ESCO2: variants seen among roughly 807,000 people sequenced by gnomAD.
The protein encoded by ESCO2 is establishment of sister chromatid cohesion N-acetyltransferase 2.
In ESCO2, 51 loss-of-function variants were observed where a neutral mutation model predicts 61.7. The ratio of observed to expected loss-of-function variants is 0.83; its 90% CI spans 0.66 to 1.04. The LOEUF (loss-of-function observed/expected upper bound fraction) is 1.04, where lower values mean the gene tolerates loss of function less well. ESCO2 is among the 50% of genes least tolerant of loss of function. ESCO2 has a pLI of 0.00. For synonymous variants in ESCO2, 230 were observed against 238.2 expected (o/e 0.97, Z 0.32); for missense variants, 692 against 686.2 (o/e 1.01, Z -0.09).
At chr8:27,795,858 T>C (rs1432163646) in intron 9 of ESCO2, among the ~76,000 whole-genome samples, 1 of 152,200 alleles carries the variant, frequency 6.6e-6, no homozygotes, top group East Asian at 1.9e-4. Flanking sequence ...CATGGTGTAC[T>C]ATGCTTTTAA....
chr8:27,791,025 C>T (rs1231481456), intron 7 of ESCO2, among the ~76,000 whole-genome samples: 1 of 152,042 alleles, frequency 6.6e-6, no homozygotes, highest in African/African-American at 2.4e-5. Context: ...TATCACATTC[C>T]CCCCAAATGA....
chr8:27,784,970 T>C (rs569066806), intron 5 of ESCO2, among the ~76,000 whole-genome samples: 1 of 152,222 alleles, frequency 6.6e-6, no homozygotes, highest in Non-Finnish European at 1.5e-5. Flanking sequence ...GTTGTCATCT[T>C]TCATGACCTT....
intron 5 of ESCO2, among the ~76,000 whole-genome samples, chr8:27,786,860 GTTT>G (rs11305883): frequency 8.2e-6 from 1 of 122,186 alleles, no homozygotes; most frequent in African/African-American, 3.1e-5. Context: ...TGGTACTAGG[GTTT>G]TTTTTTTTTT....
intron 7 of ESCO2, 54 bp from the exon 8 acceptor site, chr8:27,791,909 G>A: frequency 2.0e-6 from 3 of 1,474,508 alleles, no homozygotes; most frequent in Non-Finnish European, 2.8e-6. Flanking sequence ...TTTAATGTTG[G>A]TTTTTTTTCC....
At chr8:27,818,130 A>G in the ESCO2 span, among the ~76,000 whole-genome samples, 1 of 152,308 alleles carries the variant, frequency 6.6e-6, no homozygotes, top group African/African-American at 2.4e-5. Context: ...AGGGAGAATG[A>G]CACAGAACAA....
chr8:27,780,349 C>G (rs1804899437), intron 4 of ESCO2, 82 bp downstream of exon 4: 9 of 963,286 alleles, frequency 9.3e-6, no homozygotes, highest in Non-Finnish European at 1.5e-5. Context: ...CTTGTAATTT[C>G]TGGGTCTTTC....
In ESCO2 at chr8:27,803,938, A is replaced by G; in HGVS notation, c.*500A>G. The stretch of plus-strand genomic sequence containing the variant: ...TTTTTTTAATAGAGGCATGGGTCTC[A>G]CTGTGTTGCCCAGGCTGGTCTGAAA... On this transcript the variant is annotated 3_prime_UTR_variant, in exon 11 of 11. Transcript: ENST00000305188. 1 of 992,458 alleles carries G rather than the reference A, an allele frequency of 1.0e-6. No homozygotes were observed. Among genetic ancestry groups the G allele is most frequent in the South Asian group, 4.5e-5 (1 of 22,036 alleles). The allele number at this position is 992,458 out of a possible 1,614,324, so 61.5% of individuals were successfully genotyped here.
rs773904359 is a variant in ESCO2, at chr8:27,788,850, G to A, written c.1135G>A (p.Ala379Thr). 6 of 1,613,890 alleles carry A rather than the reference G, an allele frequency of 3.7e-6. No individual in the cohort carries two copies. Among genetic ancestry groups the A allele is most frequent in the African/African-American group, 1.3e-5 (1 of 74,908 alleles). The change falls in exon 7 of 11, where the codon GCT (alanine) becomes ACT (threonine). Residue 379 changes from alanine (A) to threonine (T), a missense_variant. Coordinates refer to ENST00000305188, the MANE Select transcript of ESCO2 (RefSeq NM_001017420.3). ...KKTKDQLIID[A>T]GQKHFGATVC... ...TTTTTTTACCCCCCAATTATAGGAC[G>A]CTGGTCAGAAACATTTTGGGGCTAC... is the stretch of plus-strand genomic sequence containing the variant.
chr8:27,804,328 A>C lies in ESCO2; in HGVS notation c.*890A>C. The C allele has an allele frequency of 3.0e-6, 3 of 985,450 alleles. No homozygotes were observed. The highest frequency in any genetic ancestry group is 3.6e-6 in the Non-Finnish European group (3 of 829,932). The allele number at this position is 985,450 out of a possible 1,614,324, so 61.0% of individuals were successfully genotyped here. ...ACTACTTTGGGAACCTGTTACTGAC[A>C]ATTGATGTCATTAACAAAATGCCTA... On this transcript the variant is annotated 3_prime_UTR_variant, in exon 11 of 11. Coordinates refer to ENST00000305188, the MANE Select transcript of ESCO2 (RefSeq NM_001017420.3).
intron 10 of ESCO2, among the ~76,000 whole-genome samples, chr8:27,802,235 G>A (rs1288196402): frequency 6.6e-6 from 1 of 151,176 alleles, no homozygotes; most frequent in Non-Finnish European, 1.5e-5. Context: ...GCAAGATCAA[G>A]GAGAGTTGTA....
chr8:27,805,287 CAAAAAAAAAAAAAAAAAAA>C (rs869039051), exon 11 of ESCO2: 13 of 46,024 alleles, frequency 2.8e-4, 2 homozygotes, highest in Admixed American at 4.6e-3. Context: ...GACTCCGTCT[CAAAAAAAAAAAAAAAAAAA>C]AAAAAAAAAA....
At chr8:27,797,044 C>T (rs778301249) in intron 9 of ESCO2, among the ~76,000 whole-genome samples, 14 of 151,968 alleles carry the variant, frequency 9.2e-5, no homozygotes, top group African/African-American at 1.5e-4. Flanking sequence ...CCCAGGAGTT[C>T]GAAGCTGCAG....
At chr8:27,805,560 A>G (rs547254646), downstream of ESCO2, among the ~76,000 whole-genome samples, 8 of 152,206 alleles carry the variant, frequency 5.3e-5, no homozygotes, top group African/African-American at 1.9e-4. Context: ...AAGCAAGTGC[A>G]CTGAGATGGT....
upstream of ESCO2, among the ~76,000 whole-genome samples, chr8:27,774,073 T>C (rs1804719420): frequency 6.6e-6 from 1 of 152,136 alleles, no homozygotes; most frequent in African/African-American, 2.4e-5. Flanking sequence ...ATTTGAAAAA[T>C]AAATAGAAAC....
chr8:27,784,445 T>C (rs572477864), intron 5 of ESCO2, among the ~76,000 whole-genome samples: 1 of 152,332 alleles, frequency 6.6e-6, no homozygotes, highest in East Asian at 1.9e-4. Flanking sequence ...TATTAGGTGC[T>C]AGGACCAGGA....
At chr8:27,794,317 G>A (rs1449147415) in intron 9 of ESCO2, among the ~76,000 whole-genome samples, 2 of 152,158 alleles carry the variant, frequency 1.3e-5, no homozygotes, top group Non-Finnish European at 2.9e-5. Flanking sequence ...GGCGTGAGGT[G>A]ATCTTGTTTT....
At chr8:27,802,656 T>TA (rs1491490850) in intron 10 of ESCO2, among the ~76,000 whole-genome samples, 2,037 of 62,504 alleles carry the variant, frequency 0.033, 103 homozygotes, top group Non-Finnish European at 0.042. Context: ...TATATATATA[T>TA]TATATATATA....
downstream of ESCO2, among the ~76,000 whole-genome samples, chr8:27,807,291 TA>T (rs1421947494): frequency 1.3e-5 from 2 of 152,174 alleles, no homozygotes; most frequent in Non-Finnish European, 2.9e-5. Flanking sequence ...TGTCTATTCC[TA>T]GGTTTCTAGG....
chr8:27,782,139 C>T (rs555626659), intron 4 of ESCO2, among the ~76,000 whole-genome samples: 42 of 152,294 alleles, frequency 2.8e-4, no homozygotes, highest in African/African-American at 9.6e-4. Flanking sequence ...ACTTCCTTCT[C>T]GGACAGTGAG....
Sources: allele counts gnomAD v4.1 joint callset (sites outside exome capture counted in the v4.1 genomes callset), GRCh38; gene constraint gnomAD v4.1.1; transcripts MANE v1.5; gene names NCBI Gene and HGNC (gene_info 2026-07-23, HGNC 2026-07-21).